HECW2: variants seen among roughly 807,000 people sequenced by gnomAD.
HECW2 encodes the protein E3 ubiquitin-protein ligase HECW2.
HECW2 carries 61 observed loss-of-function variants against 175.2 expected under a neutral mutation model. The ratio of observed to expected loss-of-function variants is 0.35; its 90% confidence interval spans 0.28 to 0.43. HECW2 has a LOEUF of 0.43. HECW2 is among the 20% of genes least tolerant of loss of function. HECW2 has a pLI of 1.00. For synonymous variants in HECW2, 671 were observed against 731.0 expected, an observed-to-expected ratio of 0.92 and a Z score of 1.32; for missense variants, 1,524 against 2,000.5, an observed-to-expected ratio of 0.76 and a Z score of 4.54.
rs562436761 is a variant in HECW2 at position 196,440,083 on chromosome 2, G to T, written c.-35-6625C>A. Among the ~76,000 whole-genome samples the T allele has an allele frequency of 3.3e-5, 5 of 152,218 alleles. No homozygotes were observed. The South Asian group carries it at 1.0e-3, about 32-fold the overall frequency. The stretch of plus-strand genomic sequence containing the variant: ...GCTGAGAAAATCAAAATTATTTCAG[G>T]TGAGATGGAAGTAAATGCAATATAT... On this transcript the variant is annotated intron_variant, in intron 1 of 28. Coordinates refer to ENST00000644978, the MANE Select transcript of HECW2 (RefSeq NM_001348768.2).
intron 19 of HECW2, among the ~76,000 whole-genome samples, chr2:196,245,381 G>C (rs912781696): frequency 3.3e-5 from 5 of 152,134 alleles, no homozygotes; most frequent in Non-Finnish European, 7.4e-5. Flanking sequence ...AGTAGATTTG[G>C]GATTTGAGCC....
At chr2:196,382,229 GTA>G (rs67160836) in intron 2 of HECW2, among the ~76,000 whole-genome samples, 1,064 of 91,012 alleles carry the variant, frequency 0.012, 22 homozygotes, top group African/African-American at 0.025. Context: ...GTGTGTGTGT[GTA>G]TATATATATA....
At chr2:196,469,839 G>A (rs1246063858) in intron 1 of HECW2, among the ~76,000 whole-genome samples, 1 of 151,772 alleles carries the variant, frequency 6.6e-6, no homozygotes, top group Non-Finnish European at 1.5e-5. Flanking sequence ...TGGGGCGGGG[G>A]ACTAATTGGA....
intron 14 of HECW2, among the ~76,000 whole-genome samples, chr2:196,286,824 T>C (rs1345051557): frequency 6.6e-6 from 1 of 152,192 alleles, no homozygotes; most frequent in Non-Finnish European, 1.5e-5. Flanking sequence ...GGTGGTCAAG[T>C]AGACAACATA....
intron 2 of HECW2, among the ~76,000 whole-genome samples, chr2:196,346,447 G>A (rs988404358): frequency 6.6e-6 from 1 of 152,154 alleles, no homozygotes; most frequent in Non-Finnish European, 1.5e-5. Flanking sequence ...TATTCTAAGT[G>A]GGTCACTAAT....
chr2:196,558,303 C>T (rs1689876887), intron 1 of HECW2, among the ~76,000 whole-genome samples: 1 of 152,106 alleles, frequency 6.6e-6, no homozygotes. Context: ...TGGAAGAAGT[C>T]TACAGTCAAA....
intron 1 of HECW2, among the ~76,000 whole-genome samples, chr2:196,512,757 T>C (rs1687999045): frequency 6.6e-6 from 1 of 151,920 alleles, no homozygotes; most frequent in South Asian, 2.1e-4. Flanking sequence ...TGGTGCAATC[T>C]CAGCTCACTG....
At chr2:196,247,587 G>A (rs1434563938) in intron 19 of HECW2, among the ~76,000 whole-genome samples, 1 of 152,212 alleles carries the variant, frequency 6.6e-6, no homozygotes, top group Non-Finnish European at 1.5e-5. Context: ...AAAAATTTCA[G>A]TAACAGACAC....
chr2:196,206,081 A>C (rs554125301), intron 28 of HECW2, among the ~76,000 whole-genome samples: 1 of 152,310 alleles, frequency 6.6e-6, no homozygotes, highest in East Asian at 1.9e-4. Context: ...GTCCTAAGAA[A>C]ACTTTAGCAG....
At chr2:196,397,157 A>G (rs1203997970) in intron 2 of HECW2, among the ~76,000 whole-genome samples, 1 of 151,866 alleles carries the variant, frequency 6.6e-6, no homozygotes, top group Non-Finnish European at 1.5e-5. Context: ...AACAAAAATA[A>G]AAAACCGTCT....
At chr2:196,369,240 A>G (rs985409860) in intron 2 of HECW2, among the ~76,000 whole-genome samples, 5 of 152,188 alleles carry the variant, frequency 3.3e-5, no homozygotes, top group Non-Finnish European at 5.9e-5. Context: ...GCAGACTCCT[A>G]TAGGTACCAC....
intron 19 of HECW2, among the ~76,000 whole-genome samples, chr2:196,250,520 G>A (rs1688816581): frequency 6.6e-6 from 1 of 152,128 alleles, no homozygotes; most frequent in African/African-American, 2.4e-5. Context: ...AGAGATTCAG[G>A]CTCAGGGAAG....
intron 1 of HECW2, among the ~76,000 whole-genome samples, chr2:196,509,301 G>T (rs1280031587): frequency 6.6e-6 from 1 of 152,158 alleles, no homozygotes; most frequent in African/African-American, 2.4e-5. Context: ...TCACCTTCCT[G>T]TAAGCCTCCA....
chr2:196,310,375 G>C (rs569699342), intron 10 of HECW2, among the ~76,000 whole-genome samples: 1 of 152,302 alleles, frequency 6.6e-6, no homozygotes, highest in South Asian at 2.1e-4. Context: ...TCAAGTGAAT[G>C]CTTGGCTCTG....
At chr2:196,411,166 T>C (rs1309434126) in intron 2 of HECW2, among the ~76,000 whole-genome samples, 2 of 152,074 alleles carry the variant, frequency 1.3e-5, no homozygotes, top group African/African-American at 4.8e-5. Context: ...ATATGGCTAA[T>C]TTTTTTTATT....
At chr2:196,303,498 G>C (rs1026129118) in intron 13 of HECW2, among the ~76,000 whole-genome samples, 4 of 151,980 alleles carry the variant, frequency 2.6e-5, no homozygotes, top group Admixed American at 2.6e-4. Flanking sequence ...GCTCTTTTTT[G>C]TATCTCTAGT....
chr2:196,394,710 A>T (rs1438039384), intron 2 of HECW2, among the ~76,000 whole-genome samples: 1 of 152,216 alleles, frequency 6.6e-6, no homozygotes, highest in Non-Finnish European at 1.5e-5. Context: ...AATGGCTTTG[A>T]AAATATTACT....
chr2:196,493,914 T>C (rs1403712173), intron 1 of HECW2, among the ~76,000 whole-genome samples: 2 of 152,176 alleles, frequency 1.3e-5, no homozygotes, highest in African/African-American at 4.8e-5. Context: ...AGATGAGGTG[T>C]TCAAAATCTA....
intron 1 of HECW2, among the ~76,000 whole-genome samples, chr2:196,557,423 G>A (rs535511987): frequency 6.6e-6 from 1 of 152,010 alleles, no homozygotes; most frequent in African/African-American, 2.4e-5. Flanking sequence ...TCATGTCCCA[G>A]TGTCAGAAGG....
Sources: gnomAD v4.1 joint callset for allele counts (sites outside exome capture counted in the v4.1 genomes callset) on GRCh38, gnomAD v4.1.1 for gene constraint, MANE v1.5 for transcripts, NCBI Gene and HGNC (gene_info 2026-07-23, HGNC 2026-07-21) for gene names.